The following COG3 variants were observed in gnomAD, a reference collection of about 807,000 sequenced individuals.
COG3 encodes conserved oligomeric Golgi complex subunit 3.
A neutral mutation model predicts 114.1 loss-of-function variants in COG3; 32 were observed. That is an observed-to-expected ratio of 0.28 (90% confidence interval 0.21 to 0.38). The LOEUF (loss-of-function observed/expected upper bound fraction) is 0.38. COG3 is among the 10% of genes least tolerant of loss of function. COG3 has a pLI of 1.00. For synonymous variants in COG3, 352 were observed against 365.7 expected (o/e 0.96, Z 0.43); for missense variants, 813 against 973.2 (o/e 0.84, Z 2.19).
In COG3 at chr13:45,500,117, A is replaced by T. The variant is rs1194603424; in HGVS notation, c.1489-3127A>T. Among the ~76,000 whole-genome samples the T allele has an allele frequency of 2.9e-3, 397 of 135,100 alleles. 6 individuals are homozygous for T. The highest frequency in any genetic ancestry group is 0.011 in the African/African-American group (391 of 35,238). The allele number at this position is 135,100 out of a possible 152,430, so 88.6% of individuals were successfully genotyped here. ...GTGTATATATATATATATATATATA[A>T]AAAAGAGGCCTGATTATTTTATTTG... On this transcript the variant is annotated intron_variant, in intron 13 of 22. Transcript: ENST00000349995.
intron 17 of COG3, 89 bp from the exon 18 acceptor site, chr13:45,518,673 C>A: frequency 2.1e-6 from 2 of 974,832 alleles, no homozygotes; most frequent in Non-Finnish European, 1.6e-6. Context: ...GGCTTTTTGC[C>A]TTGTGGTGGT....
In COG3 at chr13:45,481,303, C is replaced by G. The variant is rs1454837600; in HGVS notation, c.623C>G (p.Thr208Arg). The G allele has an allele frequency of 6.6e-7, 1 of 1,507,880 alleles. No homozygotes were observed. The highest frequency in any genetic ancestry group is 1.2e-5 in the South Asian group (1 of 86,878). 93.4% of individuals were successfully genotyped at this position (1,507,880 alleles called of 1,614,324 possible). Residue 208 changes from threonine (T) to arginine (R), a missense_variant and splice_region_variant, in exon 5 of 23, where the codon ACA becomes AGA. Thr to Arg is a moderately conservative substitution (Grantham distance 71, BLOSUM62 -1). Around this residue, in one of 2 missense-constraint regions of COG3, gnomAD observed 424 missense variants for 430.6 expected, o/e 0.98. Coordinates refer to ENST00000349995, the MANE Select transcript of COG3 (RefSeq NM_031431.4). ...TTTAACGAATTGGAAACTATTAACA[C>G]AGTAAGCATTGTTCTTTACTTCTTA... The part of the protein sequence containing the change: ...SYFNELETIN[T>R]KLNSPTLSVN...
chr13:45,488,846 A>G (rs1322527606), intron 8 of COG3, among the ~76,000 whole-genome samples: 1 of 151,980 alleles, frequency 6.6e-6, no homozygotes, highest in African/African-American at 2.4e-5. Context: ...ATAATAATCT[A>G]CTTTTGCTTA....
chr13:45,533,784 G>C (rs1873367686), intron 22 of COG3, among the ~76,000 whole-genome samples: 1 of 152,214 alleles, frequency 6.6e-6, no homozygotes, highest in Non-Finnish European at 1.5e-5. Context: ...TGACAGGCCA[G>C]TTATTCCGCA....
At chr13:45,516,997 T>C (rs1871608699) in intron 17 of COG3, among the ~76,000 whole-genome samples, 1 of 152,174 alleles carries the variant, frequency 6.6e-6, no homozygotes, top group Admixed American at 6.5e-5. Flanking sequence ...ATGATTTGTC[T>C]CTGAATTAGT....
At chr13:45,513,104 A>G (rs1340953994) in intron 16 of COG3, among the ~76,000 whole-genome samples, 2 of 149,774 alleles carry the variant, frequency 1.3e-5, no homozygotes, top group Non-Finnish European at 3.0e-5. Context: ...TCTAGCCAAA[A>G]TTTTCTTCCC....
chr13:45,516,188 C>A lies in COG3; in HGVS notation c.1855C>A (p.Leu619Ile). 2 of 1,600,266 alleles carry A rather than the reference C, an allele frequency of 1.2e-6. No homozygotes were observed. Among genetic ancestry groups the A allele is most frequent in the Non-Finnish European group, 1.7e-6 (2 of 1,169,970 alleles). Reference protein sequence around the residue: ...QLFLIKHLLILREQIAPFHTE... With the variant: ...QLFLIKHLLIIREQIAPFHTE... Reference sequence around the variant, plus strand: ...TTTCTTAATTAAGCACCTTTTGATACTTCGTGAACAAATTGCTCCATTTCA... The same window carrying A: ...TTTCTTAATTAAGCACCTTTTGATAATTCGTGAACAAATTGCTCCATTTCA... The change falls in exon 17 of 23, where the codon CTT (leucine) becomes ATT (isoleucine). Residue 619 changes from leucine to isoleucine, a missense_variant. By Grantham distance (5) the Leu-to-Ile change is conservative. This residue lies in a region of COG3 where 389 missense variants were observed against 542.6 expected (regional missense o/e 0.72). Transcript: ENST00000349995.
chr13:45,525,634 GTTTTTTT>G (rs59577529), intron 20 of COG3, among the ~76,000 whole-genome samples: 1 of 56,646 alleles, frequency 1.8e-5, no homozygotes, highest in African/African-American at 7.7e-5. Flanking sequence ...AGGGCTTTGG[GTTTTTTT>G]TTTTTTTTTT....
At chr13:45,528,084 T>C (rs1286330945) in intron 20 of COG3, among the ~76,000 whole-genome samples, 1 of 152,218 alleles carries the variant, frequency 6.6e-6, no homozygotes, top group East Asian at 1.9e-4. Context: ...CCTGATATCT[T>C]GAGAACAAAA....
intron 2 of COG3, among the ~76,000 whole-genome samples, chr13:45,477,775 C>T (rs903108967): frequency 6.6e-6 from 1 of 152,076 alleles, no homozygotes; most frequent in Admixed American, 6.5e-5. Flanking sequence ...TACAGGCGGC[C>T]ACCACCACGC....
intron 14 of COG3, among the ~76,000 whole-genome samples, chr13:45,507,591 C>G (rs897773904): frequency 2.6e-5 from 4 of 151,670 alleles, no homozygotes; most frequent in African/African-American, 9.7e-5. Context: ...ATGGCAAAAC[C>G]CCATCTCTAC....
intron 13 of COG3, among the ~76,000 whole-genome samples, chr13:45,499,658 T>C (rs775317147): frequency 1.3e-5 from 2 of 152,218 alleles, no homozygotes; most frequent in Non-Finnish European, 2.9e-5. Context: ...CTGGTAGTCA[T>C]ATGAGAGACA....
chr13:45,525,665 TAGAC>T (rs1872608845), intron 20 of COG3, among the ~76,000 whole-genome samples: 1 of 130,836 alleles, frequency 7.6e-6, no homozygotes, highest in Non-Finnish European at 1.7e-5. Context: ...TCTTTAGCGT[TAGAC>T]ATTTAAAATC....
Position 45,486,516 on chromosome 13 carries a change from G to A in COG3, c.865G>A (p.Ala289Thr). The A allele has an allele frequency of 6.2e-7, 1 of 1,608,830 alleles. No individual in the cohort carries two copies. The highest frequency in any genetic ancestry group is 8.5e-7 in the Non-Finnish European group (1 of 1,175,288). Residue 289 changes from alanine to threonine, a missense_variant, in exon 8 of 23, where the codon GCA becomes ACA. Transcript: ENST00000349995. ...LKRDPSSVPN[A>T]DNAFTLFYVK... ...TTAGGATCCTTCATCTGTACCTAATGCAGACAATGCCTTCACATTATTTTA... is the reference window on the plus strand; with the variant it reads ...TTAGGATCCTTCATCTGTACCTAATACAGACAATGCCTTCACATTATTTTA...
chr13:45,491,943 T>A (rs1887043610), intron 10 of COG3, among the ~76,000 whole-genome samples: 1 of 152,216 alleles, frequency 6.6e-6, no homozygotes, highest in Non-Finnish European at 1.5e-5. Flanking sequence ...GTGTTTATTA[T>A]GAGAAGTTTA....
intron 8 of COG3, among the ~76,000 whole-genome samples, chr13:45,487,173 C>G (rs922383906): frequency 1.3e-5 from 2 of 152,092 alleles, no homozygotes; most frequent in Non-Finnish European, 2.9e-5. Context: ...AGGATGATTG[C>G]TGGGAAAACT....
intron 21 of COG3, 106 bp from the exon 22 acceptor site, chr13:45,530,576 T>TA: frequency 1.4e-6 from 1 of 722,118 alleles, no homozygotes; most frequent in South Asian, 1.6e-5. Context: ...TCATGAAAGA[T>TA]ACATCGCTTC....
intron 17 of COG3, among the ~76,000 whole-genome samples, chr13:45,516,742 G>A (rs369374650): frequency 6.6e-6 from 1 of 152,170 alleles, no homozygotes; most frequent in South Asian, 2.1e-4. Context: ...TTGGGTGGGT[G>A]TTTTAGCTTC....
At position 45,486,318 on chromosome 13, in the gene COG3, CG is replaced by C. The variant is rs1566248343; in HGVS notation, c.844-174del. On this transcript the variant is annotated intron_variant, in intron 7 of 22. Transcript: ENST00000349995. ...GAGACGGGAGACGGGAGACGGGAGA[CG>C]GGAGACGGGAGACGGGAGACGGGAG... is the stretch of plus-strand genomic sequence containing the variant. Among the ~76,000 whole-genome samples, 23 of 36,912 alleles carry C rather than the reference CG, an allele frequency of 6.2e-4. 4 individuals carry two copies. Among genetic ancestry groups the C allele is most frequent in the African/African-American group, 2.0e-3 (16 of 8,026 alleles). 24.2% of individuals were successfully genotyped at this position (36,912 alleles called of 152,430 possible). A position where few individuals can be genotyped will look rare whatever the true frequency, so the allele number is the denominator to read the frequency against.
Sources: gnomAD v4.1 joint callset for allele counts (sites outside exome capture counted in the v4.1 genomes callset) on GRCh38, gnomAD v4.1.1 for gene constraint, gnomAD v4.1.1 regional missense constraint, MANE v1.5 for transcripts, NCBI Gene and HGNC (gene_info 2026-07-23, HGNC 2026-07-21) for gene names.